Variants in DENND6B observed in about 807,000 individuals in gnomAD.
The protein encoded by DENND6B is DENN domain containing 6B.
DENND6B carries 73 observed loss-of-function variants against 85.1 expected under a neutral mutation model. The observed-to-expected ratio is 0.86, with a 90% CI of 0.71 to 1.04. DENND6B has a LOEUF of 1.04. Among genes scored for constraint, DENND6B ranks in the 50% least tolerant of loss-of-function variants. The probability of loss-of-function intolerance (pLI) is 0.00; values close to 1 mark genes in which losing one functional copy is unlikely to be tolerated. For synonymous variants in DENND6B, 357 were observed against 329.3 expected, an observed-to-expected ratio of 1.08 and a Z score of -0.91; for missense variants, 715 against 785.8, an observed-to-expected ratio of 0.91 and a Z score of 1.08.
At chr22:50,325,622 A>G (rs2042168923) in intron 1 of DENND6B, among the ~76,000 whole-genome samples, 1 of 151,950 alleles carries the variant, frequency 6.6e-6, no homozygotes, top group Admixed American at 6.6e-5. Flanking sequence ...GGCATGAGTC[A>G]CCGCGTCCGG....
chr22:50,315,692 T>C, intron 9 of DENND6B, 22 bp downstream of exon 9: 2 of 1,563,442 alleles, frequency 1.3e-6, no homozygotes, highest in Non-Finnish European at 1.7e-6. Flanking sequence ...AAAAGCAGTG[T>C]GCAGAACCCT....
rs11553143 is a variant in DENND6B at position 50,316,083 on chromosome 22, C to T, written c.644G>A (p.Arg215His). ...GGACTTGTCCACCCTGGATGGGATG[C>T]GCACCTGGGAGAAGGAGGGAGCAGC... ...LPVMGVVVQV[R>H]IPSRVDKSES... The change falls in exon 8 of 20, where the codon CGC (arginine) becomes CAC (histidine). Residue 215 changes from arginine to histidine, a missense_variant. Physicochemically the swap from Arg to His is conservative, Grantham distance 29 (BLOSUM62 0). Coordinates refer to ENST00000413817, the MANE Select transcript of DENND6B (RefSeq NM_001001794.4). 0.023 allele frequency: 36,291 copies of T among 1,612,612 alleles called. 716 individuals carry two copies. Among genetic ancestry groups the T allele is most frequent in the East Asian group, 0.099 (4,424 of 44,882 alleles).
At position 50,314,228 on chromosome 22, in the gene DENND6B, T is replaced by C; in HGVS notation, c.1117A>G (p.Lys373Glu). 2 of 1,608,106 alleles carry C rather than the reference T, an allele frequency of 1.2e-6. 1 individual carries two copies. The highest frequency in any genetic ancestry group is 3.3e-4 in the Middle Eastern group (2 of 6,060). The change falls in exon 13 of 20, where the codon AAG (lysine) becomes GAG (glutamate). Residue 373 changes from lysine to glutamate, a missense_variant. By Grantham distance (56) the Lys-to-Glu change is moderately conservative. Coordinates refer to ENST00000413817, the MANE Select transcript of DENND6B (RefSeq NM_001001794.4). ...AGACCTGGCTTGGTGTCCAGGGTCTTCAACCTTGAAGGCTTTTTCAGCTTG... is the reference window on the plus strand; with the variant it reads ...AGACCTGGCTTGGTGTCCAGGGTCTCCAACCTTGAAGGCTTTTTCAGCTTG... ...QVKLKKPSRL[K>E]TLDTKPGLYT...
In DENND6B at chr22:50,314,442, G is replaced by C. The variant is rs1278664046; in HGVS notation, c.1030C>G (p.His344Asp). 6.4e-7 allele frequency: 1 copy of C among 1,565,312 alleles called. No homozygotes were observed. Among genetic ancestry groups the C allele is most frequent in the East Asian group, 2.4e-5 (1 of 42,434 alleles). Residue 344 changes from histidine to aspartate, a missense_variant, in exon 12 of 20, where the codon CAC becomes GAC. By Grantham distance (81) the His-to-Asp change is moderately conservative. Transcript: ENST00000413817. ...CCGACTCGGAGGATGTGGGGCCAGT[G>C]CTGGAGTGTTTTGATAAAGAAAGGG... ...TNPFFIKTLQ[H>D]WPHILRVGEP...
chr22:50,319,178 T>A (rs1205295266), intron 1 of DENND6B, 175 bp from the exon 2 acceptor site: 1 of 1,519,118 alleles, frequency 6.6e-7, no homozygotes, highest in African/African-American at 1.4e-5. Context: ...GCACGCTGCA[T>A]CCTCCCCACA....
At chr22:50,319,166 C>A (rs2041960446) in intron 1 of DENND6B, 163 bp from the exon 2 acceptor site, 45 of 1,525,392 alleles carry the variant, frequency 3.0e-5, no homozygotes, top group Non-Finnish European at 3.7e-5. Context: ...CCTGTTCCAA[C>A]AGCACGCTGC....
In DENND6B at chr22:50,314,508, G is replaced by C. The variant is rs367638623; in HGVS notation, c.978-14C>G. 35 of 1,555,710 alleles carry C rather than the reference G, an allele frequency of 2.2e-5. No homozygotes were observed. The East Asian group carries it at 3.6e-4, about 16-fold the overall frequency. ...ACCACGTTTGGTCTAGACAGACAGA[G>C]AGAGAGAAGAGGCAGAGACAGAGGT... is the stretch of plus-strand genomic sequence containing the variant. On this transcript the variant is annotated splice_polypyrimidine_tract_variant and intron_variant, in intron 11 of 19. Coordinates refer to ENST00000413817, the MANE Select transcript of DENND6B (RefSeq NM_001001794.4).
At chr22:50,315,492 C>T (rs944140578) in intron 9 of DENND6B, among the ~76,000 whole-genome samples, 1 of 152,240 alleles carries the variant, frequency 6.6e-6, no homozygotes, top group Non-Finnish European at 1.5e-5. Flanking sequence ...AATTCTCCCT[C>T]CTTCCTTCCA....
At position 50,314,419 on chromosome 22, in the gene DENND6B, G is replaced by C. The variant is rs201927201; in HGVS notation, c.1053C>G (p.Val351=). 6 of 1,564,980 alleles carry C rather than the reference G, an allele frequency of 3.8e-6. No individual in the cohort carries two copies. In the South Asian group the frequency reaches 4.7e-5, roughly 12 times the overall value. ...CCTGACCTGACATCTTGGGCTCCCC[G>C]ACTCGGAGGATGTGGGGCCAGTGCT... The part of the protein sequence containing the change: ...TLQHWPHILR[V]GEPKMSGDLP... Residue 351 remains valine, a synonymous_variant, in exon 12 of 20, where the codon GTC becomes GTG. Coordinates refer to ENST00000413817, the MANE Select transcript of DENND6B (RefSeq NM_001001794.4).
At position 50,317,335 on chromosome 22, in the gene DENND6B, C is replaced by T. The variant is rs768443443; in HGVS notation, c.411G>A (p.Arg137=). 6.2e-7 allele frequency: 1 copy of T among 1,613,130 alleles called. No homozygotes were observed. Among genetic ancestry groups the T allele is most frequent in the Non-Finnish European group, 8.5e-7 (1 of 1,179,720 alleles). The change falls in exon 5 of 20, where the codon AGG becomes AGA. Residue 137 remains arginine (R), a synonymous_variant. Transcript: ENST00000413817. ...PAHYFGYVYF[R]QVKDSSVKRG... ...TCTTCACAGAGCTGTCCTTCACCTG[C>T]CTGAAGTACACGTAGCCGAAGTAGT...
intron 5 of DENND6B, 127 bp downstream of exon 5, chr22:50,317,166 A>T: frequency 2.2e-6 from 2 of 928,588 alleles, no homozygotes; most frequent in Non-Finnish European, 3.2e-6. Context: ...GACACAGCCC[A>T]GGTGGGGCTG....
chr22:50,317,110 G>A, intron 5 of DENND6B, 183 bp downstream of exon 5: 2 of 491,184 alleles, frequency 4.1e-6, no homozygotes, highest in Non-Finnish European at 7.4e-6. Flanking sequence ...GCGAGGACAG[G>A]GTGGGGGGCG....
chr22:50,324,490 T>C (rs1238635881), intron 1 of DENND6B, among the ~76,000 whole-genome samples: 1 of 152,232 alleles, frequency 6.6e-6, no homozygotes, highest in Non-Finnish European at 1.5e-5. Context: ...CATGGCGCGA[T>C]CTCGGCTCAC....
At chr22:50,319,044 G>C (rs1052435056) in intron 1 of DENND6B, 41 bp from the exon 2 acceptor site, 1 of 1,566,504 alleles carries the variant, frequency 6.4e-7, no homozygotes, top group Non-Finnish European at 8.6e-7. Context: ...CCATCTGTCC[G>C]AGGAGGCGAC....
chr22:50,322,634 T>G (rs2042081372), intron 1 of DENND6B, among the ~76,000 whole-genome samples: 1 of 151,468 alleles, frequency 6.6e-6, no homozygotes. Flanking sequence ...ACTGCAACCT[T>G]TGCCTCCCAG....
chr22:50,314,112 G>C, intron 13 of DENND6B, 95 bp downstream of exon 13: 1 of 1,433,288 alleles, frequency 7.0e-7, no homozygotes, highest in Non-Finnish European at 9.3e-7. Flanking sequence ...GAGGATCAGG[G>C]GTCTGGGGGC....
At chr22:50,316,826 G>A (rs1438996785) in intron 5 of DENND6B, 38 of 1,119,936 alleles carry the variant, frequency 3.4e-5, no homozygotes, top group Non-Finnish European at 3.9e-5. Context: ...CACTGACAGT[G>A]TGATGACCCT....
chr22:50,315,943 G>A, intron 8 of DENND6B, 82 bp downstream of exon 8: 2 of 1,601,400 alleles, frequency 1.2e-6, no homozygotes, highest in Non-Finnish European at 8.5e-7. Flanking sequence ...AAGGAAGCAG[G>A]TGTGGGACCA....
rs760749238 is a variant in DENND6B at position 50,314,566 on chromosome 22, C to T, written c.977+39G>A. Reference sequence around the variant, plus strand: ...GGTGCAGGAAGGGCGAGAGGCAGGGCGGAGCAAGGGCAAGAGGCGGGGCAG... The same window carrying T: ...GGTGCAGGAAGGGCGAGAGGCAGGGTGGAGCAAGGGCAAGAGGCGGGGCAG... On this transcript the variant is annotated intron_variant, in intron 11 of 19. Transcript: ENST00000413817. 44 of 1,554,586 alleles carry T rather than the reference C, an allele frequency of 2.8e-5. 1 individual carries two copies. The South Asian group carries it at 4.4e-4, about 16-fold the overall frequency.
Sources: gnomAD v4.1 joint callset for allele counts (sites outside exome capture counted in the v4.1 genomes callset) on GRCh38, gnomAD v4.1.1 for gene constraint, MANE v1.5 for transcripts, NCBI Gene and HGNC (gene_info 2026-07-23, HGNC 2026-07-21) for gene names.